Variants in CDH8 observed in about 807,000 individuals in gnomAD.
CDH8 encodes cadherin 8, also known as cadherin-8.
CDH8 carries 17 observed loss-of-function variants against 68.1 expected under a neutral mutation model. That is an observed-to-expected ratio of 0.25 (90% CI 0.17 to 0.37). CDH8 has a LOEUF of 0.37. Among genes scored for constraint, CDH8 ranks in the 10% least tolerant of loss-of-function variants. CDH8 has a pLI of 1.00. For missense variants in CDH8, 763 were observed against 999.3 expected, an observed-to-expected ratio of 0.76 and a Z score of 3.19; for synonymous variants, 372 against 365.1, an observed-to-expected ratio of 1.02 and a Z score of -0.21.
At chr16:61,654,896 T>A (rs1395808500) in intron 11 of CDH8, among the ~76,000 whole-genome samples, 1 of 152,252 alleles carries the variant, frequency 6.6e-6, no homozygotes, top group Non-Finnish European at 1.5e-5. Flanking sequence ...CGCATTGTTA[T>A]AATTGGACTT....
chr16:61,690,637 TTTG>T (rs150718158), intron 10 of CDH8, among the ~76,000 whole-genome samples: 9,315 of 151,846 alleles, frequency 0.061, 988 homozygotes, highest in African/African-American at 0.21. Context: ...CTTTCTGGTC[TTTG>T]TTGTTGTTGT....
intron 8 of CDH8, among the ~76,000 whole-genome samples, chr16:61,742,959 C>A (rs1959916278): frequency 1.3e-5 from 2 of 152,052 alleles, no homozygotes; most frequent in African/African-American, 4.8e-5. Context: ...ACATATTTTT[C>A]TATTTTTTCT....
intron 8 of CDH8, among the ~76,000 whole-genome samples, chr16:61,746,607 T>C (rs541652747): frequency 2.0e-5 from 3 of 148,122 alleles, no homozygotes; most frequent in Non-Finnish European, 4.4e-5. Context: ...TATGATGTAA[T>C]ATGTTCATTA....
At chr16:62,003,323 C>G (rs571356366) in intron 2 of CDH8, among the ~76,000 whole-genome samples, 1 of 152,180 alleles carries the variant, frequency 6.6e-6, no homozygotes, top group East Asian at 1.9e-4. Context: ...GAAGATCAAG[C>G]GTTTTTAAAA....
At chr16:61,997,052 G>T (rs1022540709) in intron 2 of CDH8, among the ~76,000 whole-genome samples, 11 of 151,916 alleles carry the variant, frequency 7.2e-5, no homozygotes, top group African/African-American at 2.7e-4. Flanking sequence ...ATCCTTTTCT[G>T]AGGAGTGTTT....
chr16:61,824,866 T>C (rs2143001522), intron 5 of CDH8, 146 bp downstream of exon 5: 1 of 661,552 alleles, frequency 1.5e-6, no homozygotes, highest in African/African-American at 1.8e-5. Flanking sequence ...GGGAATAAGT[T>C]TAGTACCAAA....
chr16:61,743,723 C>A (rs188986444), intron 8 of CDH8, among the ~76,000 whole-genome samples: 46 of 151,996 alleles, frequency 3.0e-4, no homozygotes, highest in African/African-American at 1.1e-3. Flanking sequence ...ATTTTCAGCC[C>A]CTTTGAAGTG....
At chr16:61,865,222 G>A (rs971242920) in intron 3 of CDH8, among the ~76,000 whole-genome samples, 2 of 152,120 alleles carry the variant, frequency 1.3e-5, no homozygotes, top group African/African-American at 4.8e-5. Flanking sequence ...CTGGCTCCAT[G>A]ATTTGGGACA....
At chr16:61,820,340 T>C (rs1364772498) in intron 6 of CDH8, among the ~76,000 whole-genome samples, 1 of 144,782 alleles carries the variant, frequency 6.9e-6, no homozygotes, top group Non-Finnish European at 1.5e-5. Context: ...TTTTTTTTTT[T>C]AGTTTCCATG....
intron 9 of CDH8, among the ~76,000 whole-genome samples, chr16:61,719,999 A>C (rs1484072179): frequency 2.4e-5 from 2 of 83,120 alleles, no homozygotes; most frequent in African/African-American, 8.7e-5. Context: ...TAGGTAACAC[A>C]CACACACACA....
At chr16:62,014,853 A>G (rs1901897884) in intron 2 of CDH8, among the ~76,000 whole-genome samples, 3 of 152,274 alleles carry the variant, frequency 2.0e-5, no homozygotes, top group East Asian at 3.9e-4. Flanking sequence ...AAGTTTATGT[A>G]AGAGAGAGGA....
At chr16:61,873,430 C>T (rs1344790208) in intron 3 of CDH8, among the ~76,000 whole-genome samples, 1 of 152,120 alleles carries the variant, frequency 6.6e-6, no homozygotes, top group Non-Finnish European at 1.5e-5. Context: ...AGGCCCCCCA[C>T]ATGAAGAACT....
chr16:61,959,523 C>CTTCTCTCTCT (rs1965043958), intron 2 of CDH8, among the ~76,000 whole-genome samples: 1 of 133,526 alleles, frequency 7.5e-6, no homozygotes, highest in Non-Finnish European at 1.6e-5. Flanking sequence ...CCTTATCCTC[C>CTTCTCTCTCT]CTCTCTCTCT....
rs1042828407 is a variant in CDH8, at chr16:61,894,069, GA to G, written c.547+7109del. On this transcript the variant is annotated intron_variant, in intron 3 of 11. Transcript: ENST00000577390. Reference sequence around the variant, plus strand: ...GTTCATAAAGTGTTAAGTGCAAAAAGAAAAAAAACTATGATGGAGATGCAGG... The same window carrying G: ...GTTCATAAAGTGTTAAGTGCAAAAAGAAAAAAACTATGATGGAGATGCAGG... Among the ~76,000 whole-genome samples, 5 of 151,910 alleles carry G rather than the reference GA, an allele frequency of 3.3e-5. No individual in the cohort carries two copies. The East Asian group carries it at 5.8e-4, about 18-fold the overall frequency.
At chr16:61,952,196 T>C (rs1413096688) in intron 2 of CDH8, among the ~76,000 whole-genome samples, 2 of 152,162 alleles carry the variant, frequency 1.3e-5, no homozygotes, top group Non-Finnish European at 2.9e-5. Flanking sequence ...ATTTCTTCCA[T>C]GGGTTTGTGA....
chr16:61,845,981 C>T (rs964975377), intron 4 of CDH8, among the ~76,000 whole-genome samples: 1 of 152,050 alleles, frequency 6.6e-6, no homozygotes, highest in African/African-American at 2.4e-5. Context: ...GCCTACAGAT[C>T]GGTACTTAAA....
rs189069625 is a variant in CDH8 at position 62,026,766 on chromosome 16, G to A, written c.-199-5164C>T. On this transcript the variant is annotated intron_variant, in intron 1 of 11. Coordinates refer to ENST00000577390, the MANE Select transcript of CDH8 (RefSeq NM_001796.5). ...GTCTTCAAGGCAATCCTGCTAATTC[G>A]AGAGGGATGGGACTCTGCTGTGACA... is the stretch of plus-strand genomic sequence containing the variant. Among the ~76,000 whole-genome samples the A allele has an allele frequency of 1.2e-4, 18 of 152,298 alleles. No homozygotes were observed. The East Asian group carries it at 2.5e-3, about 21-fold the overall frequency.
intron 3 of CDH8, among the ~76,000 whole-genome samples, chr16:61,861,662 A>G (rs960735457): frequency 4.6e-5 from 7 of 152,240 alleles, no homozygotes; most frequent in Admixed American, 1.3e-4. Flanking sequence ...ATACATGTGG[A>G]GTCAAAATGT....
chr16:61,890,404 A>G (rs1399585104), intron 3 of CDH8, among the ~76,000 whole-genome samples: 1 of 152,172 alleles, frequency 6.6e-6, no homozygotes, highest in Non-Finnish European at 1.5e-5. Context: ...ATCAAGATAC[A>G]TCATCAGTGT....
Sources: gnomAD v4.1 joint callset for allele counts (sites outside exome capture counted in the v4.1 genomes callset) on GRCh38, gnomAD v4.1.1 for gene constraint, MANE v1.5 for transcripts, NCBI Gene and HGNC (gene_info 2026-07-23, HGNC 2026-07-21) for gene names.